SLC16A7: variants seen among roughly 807,000 people sequenced by gnomAD.
SLC16A7 encodes solute carrier family 16 member 7, also known as monocarboxylate transporter 2.
In SLC16A7, 33 loss-of-function variants were observed where a neutral mutation model predicts 34.9. That is an observed-to-expected ratio of 0.94 (90% CI 0.72 to 1.26). SLC16A7 has a LOEUF of 1.26. SLC16A7 is among the 50% of genes most tolerant of loss of function. The pLI is 0.00. For synonymous variants in SLC16A7, 201 were observed against 206.6 expected, an observed-to-expected ratio of 0.97 and a Z score of 0.23; for missense variants, 573 against 578.1, an observed-to-expected ratio of 0.99 and a Z score of 0.09.
At chr12:59,693,269 A>G (rs565411283) in intron 2 of SLC16A7, among the ~76,000 whole-genome samples, 3 of 151,962 alleles carry the variant, frequency 2.0e-5, no homozygotes, top group Non-Finnish European at 4.4e-5. Context: ...TCTGGATAGC[A>G]TGGAATATTG....
chr12:59,657,786 T>C (rs897782134), intron 2 of SLC16A7, among the ~76,000 whole-genome samples: 2 of 151,956 alleles, frequency 1.3e-5, no homozygotes, highest in Non-Finnish European at 2.9e-5. Flanking sequence ...GTTCAAAATG[T>C]TCACAGCATA....
At chr12:59,744,394 A>G in intron 3 of SLC16A7, among the ~76,000 whole-genome samples, 1 of 152,126 alleles carries the variant, frequency 6.6e-6, no homozygotes, top group East Asian at 1.9e-4. Context: ...TGTTGCTTCA[A>G]AGAGGAGTCC....
intron 2 of SLC16A7, among the ~76,000 whole-genome samples, chr12:59,658,664 C>T (rs1868662601): frequency 6.6e-6 from 1 of 151,934 alleles, no homozygotes; most frequent in Non-Finnish European, 1.5e-5. Context: ...ATATATTCTC[C>T]CTAATATTCC....
At chr12:59,733,124 G>A (rs1242944857) in intron 3 of SLC16A7, among the ~76,000 whole-genome samples, 3 of 152,138 alleles carry the variant, frequency 2.0e-5, no homozygotes, top group Admixed American at 2.0e-4. Context: ...TTTGGGTTAG[G>A]GTCATGGCAT....
intron 3 of SLC16A7, among the ~76,000 whole-genome samples, chr12:59,755,796 C>T (rs1880253536): frequency 6.6e-6 from 1 of 152,140 alleles, no homozygotes; most frequent in South Asian, 2.1e-4. Context: ...CCCTCATCGC[C>T]AAGTCAATCC....
intron 3 of SLC16A7, chr12:59,768,101 T>G (rs1378579204): frequency 6.7e-6 from 3 of 448,542 alleles, no homozygotes; most frequent in Admixed American, 4.9e-5. Context: ...ATAAAAAAAT[T>G]TAAATACATT....
intron 1 of SLC16A7, among the ~76,000 whole-genome samples, chr12:59,652,132 AC>A (rs1395737816): frequency 1.3e-5 from 2 of 152,024 alleles, no homozygotes; most frequent in Non-Finnish European, 2.9e-5. Flanking sequence ...TTTTAGATTT[AC>A]TGTGGTTTCT....
intron 5 of SLC16A7, among the ~76,000 whole-genome samples, chr12:59,777,892 A>C (rs561652204): frequency 2.1e-5 from 3 of 145,296 alleles, no homozygotes. Flanking sequence ...TATGAGTGAG[A>C]ATATGCAGTG....
intron 3 of SLC16A7, among the ~76,000 whole-genome samples, chr12:59,725,381 G>T (rs891996642): frequency 2.0e-5 from 3 of 152,062 alleles, no homozygotes; most frequent in African/African-American, 7.2e-5. Flanking sequence ...GTGTCAGTGC[G>T]AGGTAGGATG....
At chr12:59,614,870 G>A (rs1479945089) in intron 1 of SLC16A7, among the ~76,000 whole-genome samples, 1 of 149,852 alleles carries the variant, frequency 6.7e-6, no homozygotes, top group African/African-American at 2.5e-5. Flanking sequence ...AGGCGTGGTG[G>A]TGGGCACCTG....
At chr12:59,631,022 G>T (rs1377783154) in intron 1 of SLC16A7, among the ~76,000 whole-genome samples, 1 of 151,792 alleles carries the variant, frequency 6.6e-6, no homozygotes, top group Non-Finnish European at 1.5e-5. Flanking sequence ...CTTATTTTTG[G>T]CTAAAATTCA....
chr12:59,620,637 C>T (rs867111570), intron 1 of SLC16A7, among the ~76,000 whole-genome samples: 4 of 151,874 alleles, frequency 2.6e-5, no homozygotes, highest in South Asian at 4.1e-4. Context: ...TGTGTGTCTC[C>T]ACTGGAAGGA....
At chr12:59,700,630 A>G (rs1007490190) in intron 2 of SLC16A7, among the ~76,000 whole-genome samples, 6 of 151,280 alleles carry the variant, frequency 4.0e-5, no homozygotes, top group Non-Finnish European at 8.9e-5. Flanking sequence ...GAACACATAC[A>G]CATATACATA....
chr12:59,652,826 A>G (rs1187477500), intron 1 of SLC16A7, among the ~76,000 whole-genome samples: 1 of 151,858 alleles, frequency 6.6e-6, no homozygotes, highest in East Asian at 1.9e-4. Flanking sequence ...TTGCCTTTTA[A>G]TATAAATAAA....
chr12:59,627,025 G>A (rs1400137212), intron 1 of SLC16A7, among the ~76,000 whole-genome samples: 1 of 151,854 alleles, frequency 6.6e-6, no homozygotes, highest in Non-Finnish European at 1.5e-5. Context: ...TTTAAATGCA[G>A]TGTGTTTAAA....
At chr12:59,676,452 C>T (rs1482901106) in intron 2 of SLC16A7, among the ~76,000 whole-genome samples, 2 of 151,744 alleles carry the variant, frequency 1.3e-5, no homozygotes, top group Non-Finnish European at 1.5e-5. Flanking sequence ...TTGTAGCTAA[C>T]AGCAAACTAT....
At chr12:59,773,860 G>A (rs1882475452) in intron 4 of SLC16A7, among the ~76,000 whole-genome samples, 1 of 152,118 alleles carries the variant, frequency 6.6e-6, no homozygotes, top group Non-Finnish European at 1.5e-5. Flanking sequence ...ACCACTCCCG[G>A]CCTAAATCAA....
At chr12:59,739,522 A>G (rs1050831080) in intron 3 of SLC16A7, among the ~76,000 whole-genome samples, 1 of 143,374 alleles carries the variant, frequency 7.0e-6, no homozygotes, top group Non-Finnish European at 1.5e-5. Flanking sequence ...ATGTGTCTTT[A>G]TAGCAGCATG....
chr12:59,759,467 G>A (rs1230297668), intron 3 of SLC16A7, among the ~76,000 whole-genome samples: 2 of 151,964 alleles, frequency 1.3e-5, no homozygotes, highest in Non-Finnish European at 2.9e-5. Context: ...TTATTTTGTC[G>A]GTTATTTGCC....
Sources: allele counts gnomAD v4.1 joint callset (sites outside exome capture counted in the v4.1 genomes callset), GRCh38; gene constraint gnomAD v4.1.1; transcripts MANE v1.5; gene names NCBI Gene and HGNC (gene_info 2026-07-23, HGNC 2026-07-21).